The following ROR2 variants were observed in gnomAD, a reference collection of about 807,000 sequenced individuals.
ROR2 encodes tyrosine-protein kinase transmembrane receptor ROR2.
ROR2 carries 33 observed loss-of-function variants against 74.9 expected under a neutral mutation model. The ratio of observed to expected loss-of-function variants is 0.44; its 90% CI spans 0.33 to 0.59. The LOEUF (loss-of-function observed/expected upper bound fraction) is 0.59. Among genes scored for constraint, ROR2 ranks in the 20% least tolerant of loss-of-function variants. ROR2 has a pLI of 0.02. For synonymous variants in ROR2, 586 were observed against 558.7 expected (o/e 1.05, Z -0.69); for missense variants, 1,216 against 1,313.8 (o/e 0.93, Z 1.15).
intron 2 of ROR2, among the ~76,000 whole-genome samples, chr9:91,765,414 G>A (rs998354629): frequency 2.6e-5 from 4 of 152,070 alleles, no homozygotes; most frequent in East Asian, 1.9e-4. Context: ...CCTGGGCCTC[G>A]ACAAGTGTGC....
At position 91,780,421 on chromosome 9, in the gene ROR2, A is replaced by C. The variant is rs149920558; in HGVS notation, c.98-4603T>G. On this transcript the variant is annotated intron_variant, in intron 1 of 8. Transcript: ENST00000375708. The stretch of plus-strand genomic sequence containing the variant: ...AAAGAAAGAAATTATATAACCATCA[A>C]ACAAAACTCTTCTGAAAACCTTCTT... 2.0e-4 allele frequency among the ~76,000 whole-genome samples: 30 copies of C among 152,194 alleles called. No individual in the cohort carries two copies. In the East Asian group the frequency reaches 5.8e-3, roughly 29 times the overall value.
chr9:91,734,822 C>T (rs983618258), intron 5 of ROR2, among the ~76,000 whole-genome samples: 1 of 152,222 alleles, frequency 6.6e-6, no homozygotes, highest in African/African-American at 2.4e-5. Flanking sequence ...CCACGCTGTC[C>T]TGATTGTGTG....
At chr9:91,822,976 T>C (rs1828179533) in intron 1 of ROR2, among the ~76,000 whole-genome samples, 2 of 152,208 alleles carry the variant, frequency 1.3e-5, no homozygotes, top group Non-Finnish European at 2.9e-5. Context: ...ACAGTCACAC[T>C]AATTCAAAGG....
chr9:91,750,380 T>G (rs1825561943), intron 4 of ROR2, among the ~76,000 whole-genome samples: 1 of 152,254 alleles, frequency 6.6e-6, no homozygotes, highest in African/African-American at 2.4e-5. Context: ...CTTCAACCAA[T>G]CAATACACAT....
In ROR2 at chr9:91,848,905, T is replaced by C. The variant is rs143180876; in HGVS notation, c.98-73087A>G. On this transcript the variant is annotated intron_variant, in intron 1 of 8. Coordinates refer to ENST00000375708, the MANE Select transcript of ROR2 (RefSeq NM_004560.4). ...AAAGGGGAGATACACATTCTAGTGT[T>C]TGGAGATTTTTAAAGCAATTACAAT... Among the ~76,000 whole-genome samples the C allele has an allele frequency of 2.4e-3, 360 of 152,254 alleles. 1 individual carries two copies. Among genetic ancestry groups the C allele is most frequent in the African/African-American group, 8.4e-3 (349 of 41,536 alleles).
intron 2 of ROR2, among the ~76,000 whole-genome samples, chr9:91,767,286 G>A (rs766344954): frequency 6.6e-6 from 1 of 152,040 alleles, no homozygotes; most frequent in African/African-American, 2.4e-5. Flanking sequence ...TGTTGGCCAT[G>A]ATGGTCTTGA....
intron 1 of ROR2, among the ~76,000 whole-genome samples, chr9:91,808,153 AT>A (rs1321533530): frequency 6.6e-6 from 1 of 152,192 alleles, no homozygotes; most frequent in Non-Finnish European, 1.5e-5. Context: ...TGTGCATATG[AT>A]GACAGTAAAA....
intron 1 of ROR2, among the ~76,000 whole-genome samples, chr9:91,915,798 C>T (rs1831116845): frequency 6.6e-6 from 1 of 152,196 alleles, no homozygotes; most frequent in South Asian, 2.1e-4. Context: ...TTACAAACCT[C>T]TAGCTAGACG....
chr9:91,792,391 TC>T (rs76984333), intron 1 of ROR2, among the ~76,000 whole-genome samples: 98,351 of 150,302 alleles, frequency 0.65, 34,330 homozygotes, highest in African/African-American at 0.9. Context: ...CACTGCAAGC[TC>T]CCGCCTCCCG....
At chr9:91,848,754 CAG>C (rs1554682819) in intron 1 of ROR2, among the ~76,000 whole-genome samples, 1 of 120,730 alleles carries the variant, frequency 8.3e-6, no homozygotes, top group African/African-American at 3.5e-5. Context: ...GACTCCGTCT[CAG>C]GGGGGAAGAA....
At chr9:91,876,369 C>CA (rs34524843) in intron 1 of ROR2, among the ~76,000 whole-genome samples, 63,839 of 146,334 alleles carry the variant, frequency 0.44, 15,023 homozygotes, top group African/African-American at 0.63. Context: ...ACTCTGTCTC[C>CA]AAAAAAAAAA....
chr9:91,924,839 T>C (rs1351963957), intron 1 of ROR2, among the ~76,000 whole-genome samples: 1 of 152,100 alleles, frequency 6.6e-6, no homozygotes, highest in Non-Finnish European at 1.5e-5. Flanking sequence ...GTTTGCTTTT[T>C]TTGTTTTGTT....
chr9:91,790,655 A>G (rs1826940948), intron 1 of ROR2, among the ~76,000 whole-genome samples: 1 of 152,170 alleles, frequency 6.6e-6, no homozygotes, highest in African/African-American at 2.4e-5. Flanking sequence ...CCTACTTTCA[A>G]CTGTTAAACA....
chr9:91,735,606 C>A (rs993085970), intron 5 of ROR2, among the ~76,000 whole-genome samples: 9 of 79,000 alleles, frequency 1.1e-4, no homozygotes, highest in African/African-American at 3.7e-4. Context: ...AGGGCTCTAA[C>A]TTTTTTTTTT....
At chr9:91,839,294 G>GTGTGTGTA (rs1828714117) in intron 1 of ROR2, among the ~76,000 whole-genome samples, 5 of 142,526 alleles carry the variant, frequency 3.5e-5, no homozygotes, top group African/African-American at 1.3e-4. Flanking sequence ...GTGTGTGTGT[G>GTGTGTGTA]TAAGTACAGG....
chr9:91,924,666 G>A (rs552415567), intron 1 of ROR2, among the ~76,000 whole-genome samples: 41 of 152,178 alleles, frequency 2.7e-4, no homozygotes, highest in African/African-American at 8.7e-4. Context: ...GGTAGCGGGC[G>A]CCTGTAGTCC....
At chr9:91,740,338 G>A (rs1429361735) in intron 4 of ROR2, among the ~76,000 whole-genome samples, 1 of 152,098 alleles carries the variant, frequency 6.6e-6, no homozygotes, top group Non-Finnish European at 1.5e-5. Flanking sequence ...CACAAGGTCA[G>A]AAGATCGAGA....
chr9:91,751,188 A>C (rs1825587492), intron 4 of ROR2, among the ~76,000 whole-genome samples: 1 of 151,566 alleles, frequency 6.6e-6, no homozygotes, highest in African/African-American at 2.4e-5. Flanking sequence ...CTATCAGTGA[A>C]AAGAACTAAC....
rs140047983 is a variant in ROR2, at chr9:91,909,490, G to A, written c.97+40377C>T. ...TCCTCCCGAGTAGCTGGCACCACAGGCATGCATCACCACATCCAACTAATT... is the reference window on the plus strand; with the variant it reads ...TCCTCCCGAGTAGCTGGCACCACAGACATGCATCACCACATCCAACTAATT... On this transcript the variant is annotated intron_variant, in intron 1 of 8. Transcript: ENST00000375708. Among the ~76,000 whole-genome samples the A allele has an allele frequency of 1.8e-4, 28 of 151,518 alleles. No homozygotes were observed. In the East Asian group the frequency reaches 5.4e-3, roughly 29 times the overall value.
Sources: gnomAD v4.1 joint callset for allele counts (sites outside exome capture counted in the v4.1 genomes callset) on GRCh38, gnomAD v4.1.1 for gene constraint, MANE v1.5 for transcripts, NCBI Gene and HGNC (gene_info 2026-07-23, HGNC 2026-07-21) for gene names.